The following SYN2 variants were observed in gnomAD, a reference collection of about 807,000 sequenced individuals.
SYN2 encodes the protein synapsin-2.
Under a neutral mutation model 50.9 loss-of-function variants are expected in SYN2, and 19 were observed. The observed-to-expected ratio is 0.37, with a 90% CI of 0.26 to 0.55. The LOEUF is 0.55. Among genes scored for constraint, SYN2 ranks in the 20% least tolerant of loss-of-function variants. SYN2 has a pLI of 0.81. For missense variants in SYN2, 587 were observed against 576.4 expected (o/e 1.02, Z -0.19); for synonymous variants, 255 against 224.9 (o/e 1.13, Z -1.20).
intron 1 of SYN2, among the ~76,000 whole-genome samples, chr3:12,017,971 T>C (rs1694058013): frequency 6.6e-6 from 1 of 152,238 alleles, no homozygotes; most frequent in Non-Finnish European, 1.5e-5. Context: ...CTTCATACTT[T>C]GAGCACTATC....
chr3:12,079,897 C>T (rs1240024581), intron 1 of SYN2, among the ~76,000 whole-genome samples: 3 of 151,722 alleles, frequency 2.0e-5, no homozygotes, highest in Non-Finnish European at 4.4e-5. Context: ...TTTTTTTTAC[C>T]TCTGTTAGAA....
chr3:12,108,704 T>TG (rs1300297107), intron 1 of SYN2, among the ~76,000 whole-genome samples: 3 of 152,144 alleles, frequency 2.0e-5, no homozygotes, highest in African/African-American at 7.2e-5. Context: ...GGTGAACTAA[T>TG]TCAACCATCT....
At chr3:12,189,515 G>A (rs182887372) in intron 12 of SYN2, among the ~76,000 whole-genome samples, 198 of 152,274 alleles carry the variant, frequency 1.3e-3, no homozygotes, top group Admixed American at 3.8e-3. Flanking sequence ...TCCATTTTAA[G>A]AACAGGGAAA....
chr3:12,077,541 G>A (rs1574927201), intron 1 of SYN2, among the ~76,000 whole-genome samples: 2 of 139,512 alleles, frequency 1.4e-5, no homozygotes, highest in Admixed American at 1.4e-4. Context: ...TCATTGTTCA[G>A]CTTCTACTTA....
At chr3:12,090,429 G>C (rs926730893) in intron 1 of SYN2, among the ~76,000 whole-genome samples, 1 of 152,174 alleles carries the variant, frequency 6.6e-6, no homozygotes, top group Non-Finnish European at 1.5e-5. Context: ...ATGACACAAT[G>C]TAGTGGAAGG....
intron 1 of SYN2, 144 bp downstream of exon 1, chr3:12,005,072 CT>C (rs1372365980): frequency 1.3e-5 from 5 of 385,422 alleles, no homozygotes; most frequent in Non-Finnish European, 2.3e-5. Flanking sequence ...GAGGTGCGGG[CT>C]GAGCGCGCGC....
chr3:12,073,911 TAATC>T (rs1187783874), intron 1 of SYN2, among the ~76,000 whole-genome samples: 5 of 152,196 alleles, frequency 3.3e-5, no homozygotes, highest in African/African-American at 1.2e-4. Context: ...TTCTTATTCT[TAATC>T]TATCAATTAT....
chr3:12,035,195 A>T lies in SYN2; in HGVS notation c.377+30267A>T, dbSNP rs181883435. ...CTCCAGAATAATCTTCCTTGATTCCATGTCCCCATCTTCGGGTCACTCTGG... is the reference window on the plus strand; with the variant it reads ...CTCCAGAATAATCTTCCTTGATTCCTTGTCCCCATCTTCGGGTCACTCTGG... On this transcript the variant is annotated intron_variant, in intron 1 of 12. Coordinates refer to ENST00000621198, the MANE Select transcript of SYN2 (RefSeq NM_133625.6). Among the ~76,000 whole-genome samples the T allele has an allele frequency of 7.2e-5, 11 of 152,342 alleles. No individual in the cohort carries two copies. In the East Asian group the frequency reaches 2.1e-3, roughly 29 times the overall value.
intron 1 of SYN2, among the ~76,000 whole-genome samples, chr3:12,043,282 C>G (rs1275474299): frequency 3.9e-5 from 6 of 152,140 alleles, no homozygotes; most frequent in Non-Finnish European, 4.4e-5. Context: ...GAAAACAAAC[C>G]TCTCAAAGCA....
chr3:12,022,657 C>T (rs1417158453), intron 1 of SYN2, among the ~76,000 whole-genome samples: 5 of 152,078 alleles, frequency 3.3e-5, no homozygotes, highest in Non-Finnish European at 7.3e-5. Context: ...ATCTACCTGC[C>T]TCAGCCTCCC....
chr3:12,043,852 A>G (rs1243513332), intron 1 of SYN2, among the ~76,000 whole-genome samples: 1 of 152,074 alleles, frequency 6.6e-6, no homozygotes, highest in Non-Finnish European at 1.5e-5. Context: ...ACTTCCCTAG[A>G]TTTCTTTACC....
At chr3:12,088,503 A>G (rs182271884) in intron 1 of SYN2, among the ~76,000 whole-genome samples, 1 of 152,328 alleles carries the variant, frequency 6.6e-6, no homozygotes, top group East Asian at 1.9e-4. Context: ...GGTTCCTCAA[A>G]AAATATAATT....
intron 1 of SYN2, among the ~76,000 whole-genome samples, chr3:12,014,975 G>A (rs1227873994): frequency 6.6e-6 from 1 of 152,208 alleles, no homozygotes; most frequent in Admixed American, 6.5e-5. Flanking sequence ...ATTGGAAAAT[G>A]TTGAAAGTAC....
chr3:12,079,920 T>C (rs1695551358), intron 1 of SYN2, among the ~76,000 whole-genome samples: 1 of 152,136 alleles, frequency 6.6e-6, no homozygotes, highest in Admixed American at 6.5e-5. Flanking sequence ...CAGCTGTATA[T>C]CCGTCTGGTC....
chr3:12,161,827 G>C, intron 6 of SYN2, 185 bp from the exon 7 acceptor site: 1 of 1,005,358 alleles, frequency 9.9e-7, no homozygotes, highest in Non-Finnish European at 1.4e-6. Context: ...TTTGCAGCAA[G>C]TGTGGCCCTT....
At chr3:12,111,302 C>T (rs1361036163) in intron 1 of SYN2, among the ~76,000 whole-genome samples, 2 of 152,182 alleles carry the variant, frequency 1.3e-5, no homozygotes, top group African/African-American at 4.8e-5. Flanking sequence ...GAGGCCTCCC[C>T]AGCCACTTGG....
intron 1 of SYN2, among the ~76,000 whole-genome samples, chr3:12,020,340 C>T (rs1453100963): frequency 7.2e-6 from 1 of 138,566 alleles, no homozygotes; most frequent in African/African-American, 2.6e-5. Context: ...TGGCCCCCCA[C>T]ATAATTAGTC....
At chr3:12,174,791 T>C (rs1271835203) in intron 10 of SYN2, among the ~76,000 whole-genome samples, 1 of 152,176 alleles carries the variant, frequency 6.6e-6, no homozygotes, top group Non-Finnish European at 1.5e-5. Context: ...TAACTGACTT[T>C]TCCTTAACAG....
intron 10 of SYN2, among the ~76,000 whole-genome samples, chr3:12,181,095 A>T (rs765606017): frequency 6.6e-6 from 1 of 152,154 alleles, no homozygotes; most frequent in Admixed American, 6.5e-5. Flanking sequence ...CTATCTCACT[A>T]TTTTTACAAA....
Sources: allele counts gnomAD v4.1 joint callset (sites outside exome capture counted in the v4.1 genomes callset), GRCh38; gene constraint gnomAD v4.1.1; transcripts MANE v1.5; gene names NCBI Gene and HGNC (gene_info 2026-07-23, HGNC 2026-07-21).